Variants in SYNJ1 observed in about 807,000 individuals in gnomAD.
The protein encoded by SYNJ1 is polyphosphatidylinositol phosphatase SYNJ1.
Under a neutral mutation model 168.2 loss-of-function variants are expected in SYNJ1, and 78 were observed. That is an observed-to-expected ratio of 0.46 (90% CI 0.39 to 0.56). The LOEUF is 0.56. Ranked by LOEUF, SYNJ1 falls within the 20% of genes least tolerant of loss-of-function variation. The pLI, the probability that SYNJ1 is intolerant of heterozygous loss-of-function variation, is 0.00. For missense variants in SYNJ1, 1,303 were observed against 1,597.6 expected, an observed-to-expected ratio of 0.82 and a Z score of 3.14; for synonymous variants, 539 against 548.6, an observed-to-expected ratio of 0.98 and a Z score of 0.24.
At chr21:32,692,127 G>A (rs2042048191) in intron 6 of SYNJ1, among the ~76,000 whole-genome samples, 1 of 152,186 alleles carries the variant, frequency 6.6e-6, no homozygotes, top group African/African-American at 2.4e-5. Context: ...ATAGTAGTGG[G>A]AATAAAAAGA....
intron 18 of SYNJ1, among the ~76,000 whole-genome samples, chr21:32,663,158 C>G (rs2040782891): frequency 6.6e-6 from 1 of 152,104 alleles, no homozygotes; most frequent in African/African-American, 2.4e-5. Flanking sequence ...CCACGAGAAG[C>G]CCGAGAATTA....
At chr21:32,721,796 C>G (rs1176405546) in intron 2 of SYNJ1, among the ~76,000 whole-genome samples, 1 of 152,100 alleles carries the variant, frequency 6.6e-6, no homozygotes, top group Non-Finnish European at 1.5e-5. Flanking sequence ...ATGTGGTTAA[C>G]AGTTATTTCC....
In SYNJ1 at chr21:32,653,389, C is replaced by A. The variant is rs773426247; in HGVS notation, c.2796-23G>T. On this transcript the variant is annotated intron_variant, in intron 21 of 32. Coordinates refer to ENST00000674351, the MANE Select transcript of SYNJ1 (RefSeq NM_203446.3). ...AATCTTTAAGAAAAACAATAAAAAA[C>A]CATAATTAATACCATAGACATAACA... 33 of 1,552,730 alleles carry A rather than the reference C, an allele frequency of 2.1e-5. 1 individual carries two copies. Among genetic ancestry groups the A allele is most frequent in the Admixed American group, 2.0e-4 (12 of 59,742 alleles).
At chr21:32,650,883 C>T (rs2040247244) in intron 22 of SYNJ1, among the ~76,000 whole-genome samples, 1 of 152,156 alleles carries the variant, frequency 6.6e-6, no homozygotes, top group African/African-American at 2.4e-5. Context: ...ATTAAGAGAA[C>T]TGAACACCAT....
intron 2 of SYNJ1, among the ~76,000 whole-genome samples, chr21:32,725,609 A>G (rs1370923908): frequency 1.3e-5 from 2 of 152,206 alleles, no homozygotes; most frequent in Admixed American, 6.5e-5. Flanking sequence ...TAGTCAAGTT[A>G]ACACTTTAAC....
At position 32,688,355 on chromosome 21, in the gene SYNJ1, G is replaced by A. The variant is rs2146108619; in HGVS notation, c.802C>T (p.Arg268Cys). Residue 268 changes from arginine (R) to cysteine (C), a missense_variant, in exon 7 of 33, where the codon CGT becomes TGT. Arg to Cys is a radical substitution (Grantham distance 180). This residue lies in a region of SYNJ1 where 920 missense variants were observed against 1,208.8 expected (regional missense o/e 0.76). Transcript: ENST00000674351. ...TCAAATCCCCTTGACATACGGACAC[G>A]ATGAGATCCCACCTTAGACAAGAAA... ...EQPGLQVGSH[R>C]VRMSRGFEAN... 1.9e-6 allele frequency: 3 copies of A among 1,613,478 alleles called. No homozygotes were observed. Among genetic ancestry groups the A allele is most frequent in the Middle Eastern group, 1.7e-4 (1 of 6,058 alleles).
At position 32,694,322 on chromosome 21, in the gene SYNJ1, A is replaced by G. The variant is rs150213884; in HGVS notation, c.706-11T>C. The stretch of plus-strand genomic sequence containing the variant: ...ATCTAAGTACACAACCTACAGAAAA[A>G]AAAATAATATGTAAACTATTTCCAC... On this transcript the variant is annotated splice_polypyrimidine_tract_variant and intron_variant, in intron 5 of 32. Transcript: ENST00000674351. The G allele has an allele frequency of 9.2e-5, 142 of 1,541,406 alleles. No homozygotes were observed. In the African/African-American group the frequency reaches 1.9e-3, roughly 21 times the overall value.
At chr21:32,699,598 T>C (rs2042327169) in intron 4 of SYNJ1, among the ~76,000 whole-genome samples, 1 of 152,180 alleles carries the variant, frequency 6.6e-6, no homozygotes, top group Non-Finnish European at 1.5e-5. Context: ...CACCCCCTCG[T>C]GCCTGCTCAT....
At chr21:32,727,030 G>A (rs2043488076) in intron 1 of SYNJ1, 113 bp from the exon 2 acceptor site, 2 of 1,397,660 alleles carry the variant, frequency 1.4e-6, no homozygotes, top group East Asian at 4.7e-5. Context: ...GGTTGGGGTG[G>A]GAAAAAACAG....
At chr21:32,714,251 T>C (rs1378643933) in intron 2 of SYNJ1, among the ~76,000 whole-genome samples, 1 of 152,108 alleles carries the variant, frequency 6.6e-6, no homozygotes, top group Non-Finnish European at 1.5e-5. Context: ...GGTAACAGGT[T>C]GAAGAGGGAA....
At chr21:32,674,108 A>T (rs2041309942) in intron 13 of SYNJ1, among the ~76,000 whole-genome samples, 1 of 152,220 alleles carries the variant, frequency 6.6e-6, no homozygotes, top group South Asian at 2.1e-4. Flanking sequence ...TGGAAGCCAA[A>T]GTGCTTAAAC....
At chr21:32,650,710 C>T (rs577497782) in intron 22 of SYNJ1, among the ~76,000 whole-genome samples, 20 of 152,326 alleles carry the variant, frequency 1.3e-4, no homozygotes, top group South Asian at 4.1e-4. Flanking sequence ...ATTGTTCCCA[C>T]GTGAAACAAC....
chr21:32,689,644 G>A (rs1044908709), intron 6 of SYNJ1, among the ~76,000 whole-genome samples: 2 of 152,250 alleles, frequency 1.3e-5, no homozygotes, highest in Non-Finnish European at 2.9e-5. Flanking sequence ...AATCAGTCAT[G>A]TAATTGGACA....
In SYNJ1 at chr21:32,631,576, C is replaced by T; in HGVS notation, c.*229G>A. ...ATATTTTCCTGGGATTGACTCCGAG[C>T]TGGAATTGGAGGCATTGTTGGCATG... On this transcript the variant is annotated 3_prime_UTR_variant, in exon 33 of 33. Transcript: ENST00000674351. The T allele has an allele frequency of 6.2e-7, 1 of 1,613,940 alleles. No homozygotes were observed. Among genetic ancestry groups the T allele is most frequent in the Non-Finnish European group, 8.5e-7 (1 of 1,180,010 alleles).
At chr21:32,711,230 CAG>C (rs1455151224) in intron 2 of SYNJ1, among the ~76,000 whole-genome samples, 2 of 152,132 alleles carry the variant, frequency 1.3e-5, no homozygotes, top group Non-Finnish European at 2.9e-5. Flanking sequence ...AGAAAACACT[CAG>C]AGTATAAATA....
intron 2 of SYNJ1, among the ~76,000 whole-genome samples, chr21:32,721,111 C>G (rs1174091053): frequency 6.6e-6 from 1 of 152,214 alleles, no homozygotes; most frequent in Non-Finnish European, 1.5e-5. Flanking sequence ...TTATAACTTG[C>G]TAACCATCAC....
chr21:32,683,272 G>A (rs954414139), intron 10 of SYNJ1, among the ~76,000 whole-genome samples: 2 of 151,736 alleles, frequency 1.3e-5, no homozygotes, highest in Non-Finnish European at 2.9e-5. Flanking sequence ...GCTCAGCATT[G>A]CTAAATAGTT....
intron 18 of SYNJ1, among the ~76,000 whole-genome samples, chr21:32,663,300 A>G (rs559899487): frequency 1.3e-5 from 2 of 152,232 alleles, no homozygotes; most frequent in Non-Finnish European, 2.9e-5. Flanking sequence ...CTCACCCCGT[A>G]GGATGACTTA....
At chr21:32,664,726 T>C (rs1477656533) in intron 18 of SYNJ1, among the ~76,000 whole-genome samples, 187 bp downstream of exon 18, 8 of 152,170 alleles carry the variant, frequency 5.3e-5, no homozygotes, top group African/African-American at 1.9e-4. Flanking sequence ...ACTTGGTGTC[T>C]GAAGGGTTCT....
Sources: gnomAD v4.1 joint callset for allele counts (sites outside exome capture counted in the v4.1 genomes callset) on GRCh38, gnomAD v4.1.1 for gene constraint, gnomAD v4.1.1 regional missense constraint, MANE v1.5 for transcripts, NCBI Gene and HGNC (gene_info 2026-07-23, HGNC 2026-07-21) for gene names.